The following MORC4 variants were observed in gnomAD, a reference collection of about 807,000 sequenced individuals.
MORC4 encodes MORC family CW-type zinc finger protein 4.
Under a neutral mutation model 65.5 loss-of-function variants are expected in MORC4, and 22 were observed. The ratio of observed to expected loss-of-function variants is 0.34; its 90% confidence interval spans 0.24 to 0.48. The LOEUF is 0.48. Ranked by LOEUF, MORC4 falls within the 20% of genes least tolerant of loss-of-function variation. MORC4 has a pLI of 0.99. For missense variants in MORC4, 624 were observed against 703.0 expected (o/e 0.89, Z 1.27); for synonymous variants, 267 against 255.8 (o/e 1.04, Z -0.42).
At chrX:106,951,531 T>C (rs111398643) in intron 14 of MORC4, among the ~76,000 whole-genome samples, 9,200 of 110,015 alleles carry the variant, frequency 0.084, 1,004 homozygotes, top group African/African-American at 0.29. Flanking sequence ...TCACCACACC[T>C]GGCTAATTTT....
At position 106,954,940 on chromosome X, in the gene MORC4, A is replaced by G; in HGVS notation, c.1658T>C (p.Leu553Pro). The G allele has an allele frequency of 8.3e-7, 1 of 1,209,908 alleles. No individual in the cohort carries two copies. Reference protein sequence around the residue: ...SRSPSLQLKPLDSSVLQFSSK... With the variant: ...SRSPSLQLKPPDSSVLQFSSK... The stretch of plus-strand genomic sequence containing the variant: ...GGAAAACTGTAAAACACTGGAATCC[A>G]GAGGCTTAAGTTGAAGAGATGGTGA... Residue 553 changes from leucine to proline, a missense_variant, in exon 14 of 17, where the codon CTG (leucine) becomes CCG (proline). Coordinates refer to ENST00000355610, the MANE Select transcript of MORC4 (RefSeq NM_024657.5).
intron 5 of MORC4, among the ~76,000 whole-genome samples, chrX:106,984,394 G>A (rs1201025154): frequency 9.3e-6 from 1 of 107,072 alleles, no homozygotes; most frequent in Non-Finnish European, 1.9e-5. Flanking sequence ...GGATATGTGT[G>A]TTTCCACCTT....
intron 10 of MORC4, 76 bp from the exon 11 acceptor site, chrX:106,958,540 CA>C: frequency 2.2e-6 from 2 of 902,202 alleles, no homozygotes; most frequent in Non-Finnish European, 2.9e-6. Context: ...AAGGTGCAGC[CA>C]AAAAAAGAAA....
rs778970764 is a variant in MORC4, at chrX:106,958,481, G to T, written c.1257-17C>A. 6 of 1,195,750 alleles carry T rather than the reference G, an allele frequency of 5.0e-6. No individual in the cohort carries two copies. The highest frequency in any genetic ancestry group is 6.8e-6 in the Non-Finnish European group (6 of 887,125). ...GGAACCTTCCTGAATGAAGGAAAATGGAAGTGTGACTGTGTATATCTTAGC... is the reference window on the plus strand; with the variant it reads ...GGAACCTTCCTGAATGAAGGAAAATTGAAGTGTGACTGTGTATATCTTAGC... On this transcript the variant is annotated splice_polypyrimidine_tract_variant and intron_variant, in intron 10 of 16. Transcript: ENST00000355610.
intron 14 of MORC4, among the ~76,000 whole-genome samples, chrX:106,951,868 C>T (rs1314439168): frequency 2.8e-5 from 3 of 107,345 alleles, no homozygotes; most frequent in African/African-American, 6.8e-5. Flanking sequence ...TGGTGGCACG[C>T]GCCTGTAATC....
At chrX:106,968,642 CAA>C (rs1194053588) in intron 9 of MORC4, among the ~76,000 whole-genome samples, 1 of 17,973 alleles carries the variant, frequency 5.6e-5, no homozygotes, top group African/African-American at 2.1e-4. Flanking sequence ...AAATGGAAAG[CAA>C]AAAAAAAAAA....
At chrX:106,996,219 A>G (rs982733976) in intron 2 of MORC4, among the ~76,000 whole-genome samples, 6 of 103,251 alleles carry the variant, frequency 5.8e-5, no homozygotes, top group Non-Finnish European at 1.2e-4. Flanking sequence ...GAACACACCA[A>G]ATAGTTTTAA....
chrX:106,953,401 AG>A (rs1934024222), intron 14 of MORC4, among the ~76,000 whole-genome samples: 1 of 111,723 alleles, frequency 9.0e-6, no homozygotes, highest in East Asian at 2.8e-4. Context: ...CCAGGAGACC[AG>A]GGTAAAAAGG....
intron 9 of MORC4, among the ~76,000 whole-genome samples, chrX:106,972,887 T>C (rs1198579998): frequency 8.9e-6 from 1 of 112,482 alleles, no homozygotes; most frequent in Non-Finnish European, 1.9e-5. Context: ...GCGGTTGCCA[T>C]TGCACTCCAG....
chrX:106,982,056 T>A (rs1340624615), intron 5 of MORC4, among the ~76,000 whole-genome samples: 1 of 112,036 alleles, frequency 8.9e-6, no homozygotes, highest in Non-Finnish European at 1.9e-5. Flanking sequence ...ACCTTTCTTG[T>A]TCCCATAATC....
chrX:106,960,023 C>T (rs1310121280), intron 10 of MORC4, among the ~76,000 whole-genome samples: 4 of 112,276 alleles, frequency 3.6e-5, no homozygotes, highest in Non-Finnish European at 5.6e-5. Context: ...GGATCTACAG[C>T]TTCCTATTCC....
chrX:106,968,166 A>T (rs1233932944), intron 9 of MORC4, among the ~76,000 whole-genome samples: 2 of 111,945 alleles, frequency 1.8e-5, no homozygotes, highest in African/African-American at 6.5e-5. Flanking sequence ...AATATTCAAC[A>T]TTCTTAAAGA....
Position 106,994,859 on chromosome X carries a change from T to A in MORC4, c.176-1497A>T, listed in dbSNP as rs963322543. 3.6e-5 allele frequency among the ~76,000 whole-genome samples: 4 copies of A among 111,566 alleles called. No homozygotes were observed. In the Admixed American group the frequency reaches 3.8e-4, roughly 11 times the overall value. ...GCAGCCACTTTTTTGTGTTTTTATT[T>A]TTTTAATTCACATAATAGTTGTACA... On this transcript the variant is annotated intron_variant, in intron 2 of 16. Transcript: ENST00000355610.
chrX:106,972,871 G>A (rs1406674519), intron 9 of MORC4, among the ~76,000 whole-genome samples: 1 of 112,887 alleles, frequency 8.9e-6, no homozygotes, highest in African/African-American at 3.2e-5. Flanking sequence ...CCCAGATGGG[G>A]AGGTTGCGGT....
rs543184559 is a variant in MORC4, at chrX:106,980,873, G to C, written c.936+18C>G. The C allele has an allele frequency of 8.4e-7, 1 of 1,195,475 alleles. No homozygotes were observed. The highest frequency in any genetic ancestry group is 2.2e-5 in the Admixed American group (1 of 45,106). On this transcript the variant is annotated intron_variant, in intron 7 of 16. Transcript: ENST00000355610. ...ATAAAGAGGTCAACTTCATGTAGTG[G>C]TACACTTGTAAGGATACTGTGAAGG...
intron 8 of MORC4, 95 bp downstream of exon 8, chrX:106,977,985 G>A (rs1041474106): frequency 4.9e-5 from 46 of 939,848 alleles, no homozygotes; most frequent in Non-Finnish European, 6.4e-5. Flanking sequence ...TAAGATGGGA[G>A]TAAAAGCCAT....
chrX:106,964,194 AAAG>A (rs1934320028), intron 9 of MORC4, among the ~76,000 whole-genome samples: 1 of 112,345 alleles, frequency 8.9e-6, no homozygotes, highest in African/African-American at 3.2e-5. Context: ...ACAAACCTAA[AAAG>A]AAATCCAAAA....
intron 7 of MORC4, among the ~76,000 whole-genome samples, chrX:106,978,869 A>T (rs1368101215): frequency 1.8e-5 from 2 of 111,626 alleles, no homozygotes; most frequent in Non-Finnish European, 3.8e-5. Flanking sequence ...AGCAAAGGTA[A>T]AGAACAATGA....
At chrX:106,984,681 C>T (rs1418227805) in intron 5 of MORC4, among the ~76,000 whole-genome samples, 1 of 99,632 alleles carries the variant, frequency 1.0e-5, no homozygotes, top group Non-Finnish European at 1.9e-5. Context: ...ACCATGTTGG[C>T]CAGGTGAGAG....
Sources: allele counts gnomAD v4.1 joint callset (sites outside exome capture counted in the v4.1 genomes callset), GRCh38; gene constraint gnomAD v4.1.1; transcripts MANE v1.5; gene names NCBI Gene and HGNC (gene_info 2026-07-23, HGNC 2026-07-21).